SLC24A3: variants seen among roughly 807,000 people sequenced by gnomAD.
The protein encoded by SLC24A3 is sodium/potassium/calcium exchanger 3.
A neutral mutation model predicts 75.8 loss-of-function variants in SLC24A3; 28 were observed. The ratio of observed to expected loss-of-function variants is 0.37; its 90% CI spans 0.27 to 0.51. The LOEUF (loss-of-function observed/expected upper bound fraction) is 0.51, where lower values mean the gene tolerates loss of function less well. Among genes scored for constraint, SLC24A3 ranks in the 20% least tolerant of loss-of-function variants. SLC24A3 has a pLI of 0.94. For synonymous variants in SLC24A3, 372 were observed against 334.1 expected (o/e 1.11, Z -1.24); for missense variants, 663 against 847.8 (o/e 0.78, Z 2.71).
chr20:19,721,729 C>T lies in SLC24A3; in HGVS notation c.*589C>T, dbSNP rs146068506. 2.9e-3 allele frequency: 444 copies of T among 152,984 alleles called. 2 individuals carry two copies. Among genetic ancestry groups the T allele is most frequent in the Middle Eastern group, 6.8e-3 (2 of 294 alleles). The allele number at this position is 152,984 out of a possible 1,614,324, so 9.5% of individuals were successfully genotyped here. On this transcript the variant is annotated 3_prime_UTR_variant, in exon 17 of 17. Transcript: ENST00000328041. ...ACTGGGCTCTGGATTAATCAATTACCCAAAGGCTGCACCTGCCGTGTTGTC... is the reference window on the plus strand; with the variant it reads ...ACTGGGCTCTGGATTAATCAATTACTCAAAGGCTGCACCTGCCGTGTTGTC...
At chr20:19,318,385 G>A (rs1344035135) in intron 2 of SLC24A3, among the ~76,000 whole-genome samples, 1 of 152,204 alleles carries the variant, frequency 6.6e-6, no homozygotes, top group African/African-American at 2.4e-5. Context: ...AATTAGCCAT[G>A]ATGAGGAGGC....
chr20:19,697,302 A>G (rs562442585), intron 14 of SLC24A3, among the ~76,000 whole-genome samples: 1 of 152,334 alleles, frequency 6.6e-6, no homozygotes, highest in Non-Finnish European at 1.5e-5. Flanking sequence ...CTATTATTCA[A>G]AGTAGTAGGA....
rs6112450 is a variant in SLC24A3 at position 19,535,756 on chromosome 20, G to A, written c.348+20192G>A. On this transcript the variant is annotated intron_variant, in intron 3 of 16. Coordinates refer to ENST00000328041, the MANE Select transcript of SLC24A3 (RefSeq NM_020689.4). ...TGGACCTAGATTGCATATTTATTTAGGGTACTGGGAGGGTGTCTTAGTCCA... is the reference window on the plus strand; with the variant it reads ...TGGACCTAGATTGCATATTTATTTAAGGTACTGGGAGGGTGTCTTAGTCCA... 7.7e-3 allele frequency among the ~76,000 whole-genome samples: 1,171 copies of A among 152,254 alleles called. 8 individuals are homozygous for A. The highest frequency in any genetic ancestry group is 0.012 in the Non-Finnish European group (845 of 68,010).
At chr20:19,671,149 A>C (rs1184965642) in intron 8 of SLC24A3, among the ~76,000 whole-genome samples, 26 of 152,214 alleles carry the variant, frequency 1.7e-4, no homozygotes, top group Admixed American at 1.7e-3. Flanking sequence ...GATATTTAAA[A>C]GCTGGTATCT....
At chr20:19,423,437 A>G (rs886586773) in intron 2 of SLC24A3, among the ~76,000 whole-genome samples, 2 of 152,204 alleles carry the variant, frequency 1.3e-5, no homozygotes, top group Non-Finnish European at 2.9e-5. Flanking sequence ...AGGCCATTTA[A>G]AAACTTTGCA....
At position 19,344,928 on chromosome 20, in the gene SLC24A3, C is replaced by A. The variant is rs187175332; in HGVS notation, c.271+63841C>A. On this transcript the variant is annotated intron_variant, in intron 2 of 16. Coordinates refer to ENST00000328041, the MANE Select transcript of SLC24A3 (RefSeq NM_020689.4). ...TTTACCCCTAAGATCAGAAATAAGG[C>A]AAAAATGTCCGTTCTCATCATTCTT... is the stretch of plus-strand genomic sequence containing the variant. 5.0e-3 allele frequency among the ~76,000 whole-genome samples: 755 copies of A among 152,192 alleles called. 2 individuals carry two copies. The highest frequency in any genetic ancestry group is 8.5e-3 in the South Asian group (41 of 4,810).
intron 2 of SLC24A3, among the ~76,000 whole-genome samples, chr20:19,369,893 T>G (rs1985962516): frequency 6.6e-6 from 1 of 152,124 alleles, no homozygotes; most frequent in Non-Finnish European, 1.5e-5. Context: ...GTCTCTAACT[T>G]CTGGGCTCAA....
intron 1 of SLC24A3, among the ~76,000 whole-genome samples, chr20:19,234,631 A>G (rs1600386276): frequency 6.6e-6 from 1 of 152,226 alleles, no homozygotes; most frequent in South Asian, 2.1e-4. Context: ...AGAGTCTCCC[A>G]TGGATGGTGG....
chr20:19,363,245 C>T lies in SLC24A3; in HGVS notation c.271+82158C>T, dbSNP rs190729460. On this transcript the variant is annotated intron_variant, in intron 2 of 16. Transcript: ENST00000328041. ...GGGCAACAATGGCCTTTCGAAGGGCCGTGGGCCCTTTTGTTCCCCTTTTTT... is the reference window on the plus strand; with the variant it reads ...GGGCAACAATGGCCTTTCGAAGGGCTGTGGGCCCTTTTGTTCCCCTTTTTT... Among the ~76,000 whole-genome samples, 6 of 152,284 alleles carry T rather than the reference C, an allele frequency of 3.9e-5. No individual in the cohort carries two copies. The East Asian group carries it at 1.2e-3, about 29-fold the overall frequency.
At chr20:19,492,620 G>GCAT (rs1168445265) in intron 2 of SLC24A3, among the ~76,000 whole-genome samples, 1 of 152,114 alleles carries the variant, frequency 6.6e-6, no homozygotes, top group Non-Finnish European at 1.5e-5. Flanking sequence ...TTAGTTTCCT[G>GCAT]CATCTCATAT....
intron 2 of SLC24A3, among the ~76,000 whole-genome samples, chr20:19,353,361 G>A (rs993618530): frequency 6.6e-6 from 1 of 152,140 alleles, no homozygotes; most frequent in African/African-American, 2.4e-5. Context: ...GATATGAAAG[G>A]AGAGACAGTT....
At chr20:19,336,391 T>TTTTA (rs1324967171) in intron 2 of SLC24A3, among the ~76,000 whole-genome samples, 4 of 152,126 alleles carry the variant, frequency 2.6e-5, no homozygotes, top group South Asian at 4.1e-4. Context: ...CCTGGGCATT[T>TTTTA]TTTATTTATT....
rs370751183 is a variant in SLC24A3, at chr20:19,685,135, C to T, written c.1098C>T (p.Asn366=). 86 of 1,613,446 alleles carry T rather than the reference C, an allele frequency of 5.3e-5. No individual in the cohort carries two copies. The highest frequency in any genetic ancestry group is 1.7e-4 in the African/African-American group (13 of 75,014). ...TGATAAACAGCAGGGCTTATACCAA[C>T]GGGGAATCTGAGGTGGCCATCAAAA... The part of the protein sequence containing the change: ...QRLINSRAYT[N]GESEVAIKIP... The change falls in exon 12 of 17, where the codon AAC becomes AAT. Residue 366 remains asparagine (N), a synonymous_variant. Transcript: ENST00000328041.
intron 3 of SLC24A3, among the ~76,000 whole-genome samples, chr20:19,534,269 TA>T (rs2030355943): frequency 6.6e-6 from 1 of 152,230 alleles, no homozygotes; most frequent in African/African-American, 2.4e-5. Flanking sequence ...ATATCCTGCC[TA>T]CCTGTGGCCA....
At chr20:19,486,150 C>T (rs1361459636) in intron 2 of SLC24A3, among the ~76,000 whole-genome samples, 1 of 152,218 alleles carries the variant, frequency 6.6e-6, no homozygotes, top group Non-Finnish European at 1.5e-5. Context: ...TTAGCAAGTC[C>T]TTGCTGACCC....
At chr20:19,499,768 G>A (rs950456222) in intron 2 of SLC24A3, among the ~76,000 whole-genome samples, 13 of 152,222 alleles carry the variant, frequency 8.5e-5, no homozygotes, top group Admixed American at 5.9e-4. Context: ...TTGTACATAT[G>A]CACACACACA....
At chr20:19,697,534 T>G (rs2032824260) in intron 14 of SLC24A3, 1 of 152,366 alleles carries the variant, frequency 6.6e-6, no homozygotes, top group South Asian at 2.1e-4. Context: ...GACAGATCCT[T>G]CCCTCCTTCA....
chr20:19,360,113 C>T (rs958245450), intron 2 of SLC24A3, among the ~76,000 whole-genome samples: 1 of 152,148 alleles, frequency 6.6e-6, no homozygotes, highest in African/African-American at 2.4e-5. Flanking sequence ...GTGCTAACAC[C>T]GTGCTAATAG....
intron 2 of SLC24A3, among the ~76,000 whole-genome samples, chr20:19,330,733 T>C (rs1206575878): frequency 6.6e-6 from 1 of 152,134 alleles, no homozygotes; most frequent in Non-Finnish European, 1.5e-5. Flanking sequence ...AGATGCAAAA[T>C]CCATGGGAAA....
Sources: gnomAD v4.1 joint callset for allele counts (sites outside exome capture counted in the v4.1 genomes callset) on GRCh38, gnomAD v4.1.1 for gene constraint, MANE v1.5 for transcripts, NCBI Gene and HGNC (gene_info 2026-07-23, HGNC 2026-07-21) for gene names.